Variants in NCKAP5 observed in about 807,000 individuals in gnomAD.
The protein encoded by NCKAP5 is nck-associated protein 5.
A neutral mutation model predicts 167.0 loss-of-function variants in NCKAP5; 92 were observed. That is an observed-to-expected ratio of 0.55 (90% CI 0.47 to 0.66). The LOEUF (loss-of-function observed/expected upper bound fraction) is 0.66. NCKAP5 is among the 30% of genes least tolerant of loss of function. The pLI is 0.00. For synonymous variants in NCKAP5, 891 were observed against 877.4 expected (o/e 1.02, Z -0.27); for missense variants, 2,378 against 2,315.0 (o/e 1.03, Z -0.56).
the NCKAP5 span, among the ~76,000 whole-genome samples, chr2:133,625,742 G>T: frequency 2.2e-4 from 33 of 151,962 alleles, no homozygotes; most frequent in Non-Finnish European, 3.5e-4. Flanking sequence ...GTAGTGGCGG[G>T]CACCTGTAGT....
intron 6 of NCKAP5, among the ~76,000 whole-genome samples, chr2:133,039,776 T>C (rs1293301678): frequency 6.6e-6 from 1 of 152,184 alleles, no homozygotes; most frequent in African/African-American, 2.4e-5. Context: ...AAGCACTCCC[T>C]AAGCAATTCT....
At position 133,259,785 on chromosome 2, in the gene NCKAP5, T is replaced by C. The variant is rs914062978; in HGVS notation, c.143+43252A>G. Among the ~76,000 whole-genome samples, 6 of 152,336 alleles carry C rather than the reference T, an allele frequency of 3.9e-5. No individual in the cohort carries two copies. In the South Asian group the frequency reaches 1.2e-3, roughly 32 times the overall value. ...GAGAAGAAAAAGAGGGACAGGTCTT[T>C]TGGGGTCTGTTAAGTGCCAAATCAG... On this transcript the variant is annotated intron_variant, in intron 4 of 19. Coordinates refer to ENST00000409261, the MANE Select transcript of NCKAP5 (RefSeq NM_207363.3).
intron 3 of NCKAP5, among the ~76,000 whole-genome samples, chr2:133,425,870 C>G (rs938251470): frequency 1.3e-5 from 2 of 152,106 alleles, no homozygotes; most frequent in African/African-American, 2.4e-5. Context: ...TGCATGTGGC[C>G]ACAAAGAAAA....
At chr2:132,919,756 C>T (rs897261288) in intron 8 of NCKAP5, among the ~76,000 whole-genome samples, 1 of 152,066 alleles carries the variant, frequency 6.6e-6, no homozygotes, top group East Asian at 1.9e-4. Flanking sequence ...TAGAAGATGA[C>T]ATCTATACTT....
intron 7 of NCKAP5, among the ~76,000 whole-genome samples, chr2:132,974,717 C>A (rs1335571082): frequency 6.6e-6 from 1 of 152,232 alleles, no homozygotes; most frequent in African/African-American, 2.4e-5. Flanking sequence ...AACCATGCTA[C>A]TGGCAGCGTT....
chr2:132,814,958 C>T (rs1270430506), intron 11 of NCKAP5, among the ~76,000 whole-genome samples: 1 of 151,994 alleles, frequency 6.6e-6, no homozygotes, highest in Non-Finnish European at 1.5e-5. Flanking sequence ...AAGCAGGCAC[C>T]CAGAAGGAAG....
chr2:133,441,672 C>CT (rs1223844446), intron 3 of NCKAP5, among the ~76,000 whole-genome samples: 5 of 152,170 alleles, frequency 3.3e-5, no homozygotes, highest in African/African-American at 1.2e-4. Flanking sequence ...ACTTTGTGAT[C>CT]TACTCAGTAT....
intron 16 of NCKAP5, among the ~76,000 whole-genome samples, chr2:132,757,512 C>G (rs1218862360): frequency 6.6e-6 from 1 of 152,356 alleles, no homozygotes; most frequent in South Asian, 2.1e-4. Context: ...CAAGAACACC[C>G]TGTTCTCAAG....
At chr2:133,561,718 T>C (rs1305571148) in intron 1 of NCKAP5, among the ~76,000 whole-genome samples, 2 of 152,148 alleles carry the variant, frequency 1.3e-5, no homozygotes, top group Non-Finnish European at 2.9e-5. Context: ...TATTAACTTA[T>C]CCTCCTTGGC....
chr2:132,932,921 C>CTTTT (rs368871730), intron 8 of NCKAP5, among the ~76,000 whole-genome samples: 45 of 119,966 alleles, frequency 3.8e-4, no homozygotes, highest in African/African-American at 1.1e-3. Context: ...TTATCCTCTA[C>CTTTT]TTTTTTTTTT....
chr2:133,561,083 C>A (rs1688121167), intron 1 of NCKAP5, among the ~76,000 whole-genome samples: 1 of 152,188 alleles, frequency 6.6e-6, no homozygotes, highest in Non-Finnish European at 1.5e-5. Flanking sequence ...GTTAAGATAT[C>A]TAATTTTTCC....
intron 11 of NCKAP5, among the ~76,000 whole-genome samples, chr2:132,842,310 CTT>C (rs1688347209): frequency 6.6e-6 from 1 of 152,074 alleles, no homozygotes; most frequent in African/African-American, 2.4e-5. Flanking sequence ...GCTTAGCTCT[CTT>C]TTATTAGTCA....
chr2:133,245,097 C>T (rs1447593338), intron 4 of NCKAP5, among the ~76,000 whole-genome samples: 1 of 152,056 alleles, frequency 6.6e-6, no homozygotes, highest in Non-Finnish European at 1.5e-5. Context: ...TAAACTGGTA[C>T]AAACACTTTG....
chr2:132,770,123 T>C (rs1317655214), intron 16 of NCKAP5, among the ~76,000 whole-genome samples: 1 of 152,144 alleles, frequency 6.6e-6, no homozygotes, highest in East Asian at 1.9e-4. Flanking sequence ...AACCCAAATT[T>C]GCTCAAACCA....
chr2:132,792,813 C>T (rs1235945855), intron 12 of NCKAP5, among the ~76,000 whole-genome samples: 1 of 152,136 alleles, frequency 6.6e-6, no homozygotes, highest in Non-Finnish European at 1.5e-5. Context: ...TAAAATTATA[C>T]CTATTTTTAC....
chr2:133,448,161 C>G (rs1184895265), intron 3 of NCKAP5, among the ~76,000 whole-genome samples: 1 of 151,744 alleles, frequency 6.6e-6, no homozygotes, highest in Non-Finnish European at 1.5e-5. Flanking sequence ...ATGTTACCAT[C>G]TGAAATGAAA....
chr2:133,532,024 G>C (rs565116778), intron 2 of NCKAP5, among the ~76,000 whole-genome samples: 1 of 152,282 alleles, frequency 6.6e-6, no homozygotes, highest in Non-Finnish European at 1.5e-5. Flanking sequence ...TATTTCTACT[G>C]TGTATGCATA....
At chr2:133,387,226 T>C (rs1687046948) in intron 3 of NCKAP5, among the ~76,000 whole-genome samples, 1 of 152,110 alleles carries the variant, frequency 6.6e-6, no homozygotes, top group Admixed American at 6.5e-5. Flanking sequence ...CAGGAGCTCT[T>C]GTAGGGCAGG....
chr2:133,060,838 T>A (rs910589986), intron 6 of NCKAP5, among the ~76,000 whole-genome samples: 9 of 152,156 alleles, frequency 5.9e-5, no homozygotes, highest in Non-Finnish European at 1.2e-4. Flanking sequence ...TCTTATAATT[T>A]TTTTGTGACA....
Sources: gnomAD v4.1 joint callset for allele counts (sites outside exome capture counted in the v4.1 genomes callset) on GRCh38, gnomAD v4.1.1 for gene constraint, MANE v1.5 for transcripts, NCBI Gene and HGNC (gene_info 2026-07-23, HGNC 2026-07-21) for gene names.